PCDH15: variants seen among roughly 807,000 people sequenced by gnomAD.
PCDH15 encodes the protein protocadherin-15.
Under a neutral mutation model 178.5 loss-of-function variants are expected in PCDH15, and 129 were observed. The ratio of observed to expected loss-of-function variants is 0.72; its 90% CI spans 0.63 to 0.84. PCDH15 has a LOEUF of 0.84. Among genes scored for constraint, PCDH15 ranks in the 40% least tolerant of loss-of-function variants. The pLI, the probability that PCDH15 is intolerant of heterozygous loss-of-function variation, is 0.00. For missense variants in PCDH15, 2,230 were observed against 2,099.9 expected (o/e 1.06, Z -1.21); for synonymous variants, 800 against 732.0 (o/e 1.09, Z -1.50).
intron 1 of PCDH15, among the ~76,000 whole-genome samples, chr10:54,738,159 C>T (rs892536079): frequency 1.3e-5 from 2 of 151,918 alleles, no homozygotes; most frequent in Admixed American, 6.6e-5. Flanking sequence ...CATGTAGCAC[C>T]CTAGGACATT....
intron 16 of PCDH15, among the ~76,000 whole-genome samples, chr10:54,089,283 C>G (rs1270472966): frequency 6.6e-6 from 1 of 152,136 alleles, no homozygotes; most frequent in African/African-American, 2.4e-5. Flanking sequence ...CATTTCTATT[C>G]CTTCTGAAAG....
At chr10:55,386,160 C>T (rs1158210121) in intron 2 of PCDH15, among the ~76,000 whole-genome samples, 1 of 151,828 alleles carries the variant, frequency 6.6e-6, no homozygotes, top group Non-Finnish European at 1.5e-5. Context: ...TACCTAGACT[C>T]AAAGGGAAAT....
chr10:54,047,890 T>C (rs2093688130), intron 18 of PCDH15, among the ~76,000 whole-genome samples: 1 of 152,186 alleles, frequency 6.6e-6, no homozygotes, highest in Admixed American at 6.5e-5. Flanking sequence ...AGTGCATGTG[T>C]CTTTTTGGTA....
chr10:54,410,611 G>T lies in PCDH15; in HGVS notation c.158-31669C>A, dbSNP rs74860489. Among the ~76,000 whole-genome samples, 1,252 of 152,236 alleles carry T rather than the reference G, an allele frequency of 8.2e-3. 18 individuals carry two copies. Among genetic ancestry groups the T allele is most frequent in the African/African-American group, 0.029 (1,189 of 41,544 alleles). On this transcript the variant is annotated intron_variant, in intron 3 of 37. Coordinates refer to ENST00000644397, the MANE Select transcript of PCDH15 (RefSeq NM_001384140.1). ...CTTCTTTTGGAATAAATTACATGGA[G>T]TCCTGTTGCTGTCTACTTGCAAATA...
intron 1 of PCDH15, among the ~76,000 whole-genome samples, chr10:55,237,679 C>T (rs1841420200): frequency 6.6e-6 from 1 of 152,124 alleles, no homozygotes; most frequent in South Asian, 2.1e-4. Context: ...TATTGCACAA[C>T]TTTTAAGGGC....
chr10:53,946,725 G>A (rs946190133), intron 23 of PCDH15, among the ~76,000 whole-genome samples: 5 of 152,138 alleles, frequency 3.3e-5, no homozygotes, highest in African/African-American at 7.2e-5. Flanking sequence ...TTTGGAATTC[G>A]CATGCACAAT....
intron 2 of PCDH15, among the ~76,000 whole-genome samples, chr10:54,958,374 C>T (rs1838547571): frequency 6.6e-6 from 1 of 151,876 alleles, no homozygotes; most frequent in East Asian, 1.9e-4. Context: ...AAAACAAACA[C>T]AAGCAAACAT....
chr10:53,943,407 C>T (rs1266302111), intron 23 of PCDH15, among the ~76,000 whole-genome samples: 1 of 151,480 alleles, frequency 6.6e-6, no homozygotes, highest in African/African-American at 2.4e-5. Context: ...ACCTGGGAGG[C>T]GGAGGTTGCA....
intron 3 of PCDH15, among the ~76,000 whole-genome samples, chr10:54,461,827 A>C (rs1305780047): frequency 6.6e-6 from 1 of 152,078 alleles, no homozygotes; most frequent in Non-Finnish European, 1.5e-5. Flanking sequence ...ACAAATTCTT[A>C]TGGTAATGTT....
At chr10:55,322,793 GA>G (rs796480892), upstream of PCDH15, among the ~76,000 whole-genome samples, 2,008 of 134,342 alleles carry the variant, frequency 0.015, 37 homozygotes, top group African/African-American at 0.053. Flanking sequence ...TGATGCAACA[GA>G]AAAAAAAAAT....
At chr10:54,797,927 T>C (rs1952214684) in intron 1 of PCDH15, among the ~76,000 whole-genome samples, 1 of 152,018 alleles carries the variant, frequency 6.6e-6, no homozygotes, top group African/African-American at 2.4e-5. Context: ...AGTTGAAAAT[T>C]GTATTTTAAG....
At chr10:55,317,276 G>A (rs1588907033) in intron 1 of PCDH15, among the ~76,000 whole-genome samples, 1 of 152,206 alleles carries the variant, frequency 6.6e-6, no homozygotes, top group African/African-American at 2.4e-5. Flanking sequence ...TTCAATAAAT[G>A]CTAACAATTG....
At chr10:55,194,675 A>G (rs1840034148) in intron 1 of PCDH15, among the ~76,000 whole-genome samples, 1 of 152,106 alleles carries the variant, frequency 6.6e-6, no homozygotes, top group African/African-American at 2.4e-5. Flanking sequence ...AACTAGCAAT[A>G]TAACTAGACA....
At chr10:54,502,380 T>A (rs140073000) in intron 3 of PCDH15, among the ~76,000 whole-genome samples, 1 of 152,244 alleles carries the variant, frequency 6.6e-6, no homozygotes. Context: ...GTGTTTCAGT[T>A]ATAACAGCCT....
intron 1 of PCDH15, among the ~76,000 whole-genome samples, chr10:55,213,179 A>T (rs989648247): frequency 2.0e-5 from 3 of 152,118 alleles, no homozygotes; most frequent in Non-Finnish European, 4.4e-5. Flanking sequence ...TTTTGGGATC[A>T]TAGCAGATAT....
At chr10:55,317,321 C>G (rs1480421320) in intron 1 of PCDH15, among the ~76,000 whole-genome samples, 1 of 152,074 alleles carries the variant, frequency 6.6e-6, no homozygotes, top group African/African-American at 2.4e-5. Context: ...TTCTTTTAAT[C>G]ACAAATGTAT....
intron 25 of PCDH15, among the ~76,000 whole-genome samples, chr10:53,920,696 C>T (rs187800100): frequency 6.6e-6 from 1 of 152,116 alleles, no homozygotes; most frequent in East Asian, 1.9e-4. Context: ...TCTAAAGAAC[C>T]TGTGGAGATA....
chr10:54,186,463 C>T (rs948947212), intron 11 of PCDH15, among the ~76,000 whole-genome samples: 8 of 151,926 alleles, frequency 5.3e-5, no homozygotes, highest in Admixed American at 1.3e-4. Context: ...CTTGAATCTG[C>T]CCATCTTTTA....
rs188480254 is a variant in PCDH15, at chr10:55,471,725, G to A, written c.-156+155900C>T. ...AAATTGAATAACTGAATATTATAGCGGAAGCTATTGATGTTCTAAACAAGG... is the reference window on the plus strand; with the variant it reads ...AAATTGAATAACTGAATATTATAGCAGAAGCTATTGATGTTCTAAACAAGG... On this transcript the variant is annotated intron_variant, in intron 2 of 5. Transcript: ENST00000613346. 1.1e-4 allele frequency among the ~76,000 whole-genome samples: 17 copies of A among 152,224 alleles called. 1 individual carries two copies. The East Asian group carries it at 2.5e-3, about 23-fold the overall frequency.
Sources: allele counts gnomAD v4.1 joint callset (sites outside exome capture counted in the v4.1 genomes callset), GRCh38; gene constraint gnomAD v4.1.1; transcripts MANE v1.5; gene names NCBI Gene and HGNC (gene_info 2026-07-23, HGNC 2026-07-21).